Variants in MYZAP observed in about 807,000 individuals in gnomAD.
MYZAP encodes the protein myocardial zonula adherens protein.
MYZAP carries 66 observed loss-of-function variants against 69.4 expected under a neutral mutation model. The ratio of observed to expected loss-of-function variants is 0.95; its 90% CI spans 0.78 to 1.17. MYZAP has a LOEUF of 1.17. Among genes scored for constraint, MYZAP ranks in the 50% most tolerant of loss-of-function variants. The probability of loss-of-function intolerance (pLI) is 0.00; values close to 1 mark genes in which losing one functional copy is unlikely to be tolerated. For synonymous variants in MYZAP, 256 were observed against 205.9 expected, an observed-to-expected ratio of 1.24 and a Z score of -2.09; for missense variants, 611 against 556.2, an observed-to-expected ratio of 1.10 and a Z score of -0.99.
rs115983688 is a variant in MYZAP, at chr15:57,613,582, G to T, written c.163-4451G>T. Among the ~76,000 whole-genome samples, 1,123 of 151,488 alleles carry T rather than the reference G, an allele frequency of 7.4e-3. 14 individuals carry two copies. Among genetic ancestry groups the T allele is most frequent in the African/African-American group, 0.026 (1,061 of 41,136 alleles). ...GATGGATTTTTACCATGTTGCCCAG[G>T]CTGGTCTCAAATGCTTGGACTCAAG... On this transcript the variant is annotated intron_variant, in intron 2 of 12. Coordinates refer to ENST00000267853, the MANE Select transcript of MYZAP (RefSeq NM_001018100.5).
chr15:57,615,367 C>G (rs1360010077), intron 2 of MYZAP, among the ~76,000 whole-genome samples: 1 of 152,190 alleles, frequency 6.6e-6, no homozygotes, highest in Non-Finnish European at 1.5e-5. Flanking sequence ...GTGTGTACAA[C>G]TTTGAGACCT....
In MYZAP at chr15:57,668,717, G is replaced by A. The variant is rs1231206648; in HGVS notation, c.1204-6251G>A. On this transcript the variant is annotated intron_variant, in intron 11 of 12. Transcript: ENST00000267853. ...TTTGAAGTGTCTGTTCCAATCTTTA[G>A]TCCGTTGTTTTATTGAGCTTTTAGT... Among the ~76,000 whole-genome samples, 3 of 151,916 alleles carry A rather than the reference G, an allele frequency of 2.0e-5. No individual in the cohort carries two copies. In the East Asian group the frequency reaches 5.8e-4, roughly 29 times the overall value.
chr15:57,633,033 CTTTTACTTTGGAA>C (rs1247678635), intron 7 of MYZAP, among the ~76,000 whole-genome samples: 1 of 152,206 alleles, frequency 6.6e-6, no homozygotes, highest in Non-Finnish European at 1.5e-5. Flanking sequence ...TCTCTCTCTG[CTTTTACTTTGGAA>C]TTCTTTTATA....
chr15:57,599,592 G>A, intron 1 of MYZAP: 1 of 1,288,704 alleles, frequency 7.8e-7, no homozygotes, highest in Non-Finnish European at 1.0e-6. Flanking sequence ...GAACCCCTGG[G>A]AATAAAGTGC....
intron 2 of MYZAP, among the ~76,000 whole-genome samples, chr15:57,612,995 G>A (rs7163593): frequency 0.3 from 45,891 of 151,624 alleles, 7,224 homozygotes; most frequent in East Asian, 0.55. Flanking sequence ...GCAATGGTGC[G>A]ATCTCGGCTC....
At chr15:57,648,790 T>G (rs1233768079) in intron 10 of MYZAP, among the ~76,000 whole-genome samples, 2 of 151,632 alleles carry the variant, frequency 1.3e-5, no homozygotes, top group South Asian at 2.1e-4. Flanking sequence ...TTCTGTTTTT[T>G]TTTTTTTTTT....
chr15:57,645,771 G>A (rs927071541), intron 10 of MYZAP, among the ~76,000 whole-genome samples: 3 of 152,164 alleles, frequency 2.0e-5, no homozygotes, highest in Admixed American at 2.0e-4. Context: ...GAGTCTTGTT[G>A]GCCACATTCA....
At position 57,658,556 on chromosome 15, in the gene MYZAP, T is replaced by C. The variant is rs539852256; in HGVS notation, c.1120-2894T>C. Among the ~76,000 whole-genome samples the C allele has an allele frequency of 1.4e-3, 217 of 152,356 alleles. 2 individuals carry two copies. The highest frequency in any genetic ancestry group is 5.0e-3 in the African/African-American group (209 of 41,590). On this transcript the variant is annotated intron_variant, in intron 10 of 12. Transcript: ENST00000267853. ...TATTCGTACCTAAGAACTGAGTCAG[T>C]TGTCTTGTAAAAATGTTCACATTCT...
At chr15:57,650,069 G>A (rs1366650478) in intron 10 of MYZAP, among the ~76,000 whole-genome samples, 1 of 152,188 alleles carries the variant, frequency 6.6e-6, no homozygotes, top group South Asian at 2.1e-4. Flanking sequence ...AATGATCCAT[G>A]TAGAATTTAT....
At position 57,592,756 on chromosome 15, in the gene MYZAP, C is replaced by T. The variant is rs553831407; in HGVS notation, c.75+647C>T. ...TTTGGAAGTGCTGTTTCTTTTTGATCTTTGTGGCATCTTTTCCCATCTCTC... is the reference window on the plus strand; with the variant it reads ...TTTGGAAGTGCTGTTTCTTTTTGATTTTTGTGGCATCTTTTCCCATCTCTC... On this transcript the variant is annotated intron_variant, in intron 1 of 12. Coordinates refer to ENST00000267853, the MANE Select transcript of MYZAP (RefSeq NM_001018100.5). Among the ~76,000 whole-genome samples, 7 of 152,314 alleles carry T rather than the reference C, an allele frequency of 4.6e-5. No individual in the cohort carries two copies. In the South Asian group the frequency reaches 1.4e-3, roughly 32 times the overall value.
intron 11 of MYZAP, 22 bp downstream of exon 11, chr15:57,661,555 A>C (rs767370568): frequency 6.3e-7 from 1 of 1,587,040 alleles, no homozygotes; most frequent in Admixed American, 1.8e-5. Flanking sequence ...TGTTTCTTTA[A>C]GTTGGTGTCT....
chr15:57,652,676 TAA>T (rs2037788564), intron 10 of MYZAP, among the ~76,000 whole-genome samples: 1 of 152,106 alleles, frequency 6.6e-6, no homozygotes, highest in African/African-American at 2.4e-5. Context: ...GAGGCTGGGT[TAA>T]AGACACAGCA....
chr15:57,683,629 T>C (rs1284097567), intron 12 of MYZAP, among the ~76,000 whole-genome samples: 2 of 152,180 alleles, frequency 1.3e-5, no homozygotes, highest in African/African-American at 2.4e-5. Flanking sequence ...CTAGTTAGCT[T>C]ATAAACAACA....
chr15:57,604,971 C>T (rs942901906), intron 2 of MYZAP, among the ~76,000 whole-genome samples: 5 of 152,148 alleles, frequency 3.3e-5, no homozygotes, highest in Admixed American at 6.5e-5. Flanking sequence ...AGATCCAGCC[C>T]TATATGACGG....
chr15:57,613,931 A>G (rs2035272949), intron 2 of MYZAP, among the ~76,000 whole-genome samples: 1 of 152,214 alleles, frequency 6.6e-6, no homozygotes, highest in Non-Finnish European at 1.5e-5. Flanking sequence ...ATTGGGAGGT[A>G]TTTTAAAGGA....
chr15:57,616,248 C>G (rs2035433185), intron 2 of MYZAP, among the ~76,000 whole-genome samples: 1 of 152,222 alleles, frequency 6.6e-6, no homozygotes, highest in Non-Finnish European at 1.5e-5. Flanking sequence ...GGCAAGGTGG[C>G]TCATGCTTGT....
At chr15:57,604,384 C>A in intron 2 of MYZAP, 29 bp downstream of exon 2, 1 of 1,613,112 alleles carries the variant, frequency 6.2e-7, no homozygotes, top group South Asian at 1.1e-5. Context: ...AAAGCCCCAA[C>A]AAGTTCCAGC....
intron 1 of MYZAP, 94 bp from the exon 2 acceptor site, chr15:57,604,175 T>C (rs1328804678): frequency 7.8e-7 from 1 of 1,280,110 alleles, no homozygotes; most frequent in Non-Finnish European, 1.1e-6. Context: ...CCAATGGAAG[T>C]AGGGGAAATG....
Position 57,618,045 on chromosome 15 carries a change from A to G in MYZAP, c.175A>G (p.Ser59Gly). Residue 59 changes from serine to glycine, a missense_variant, in exon 3 of 13, where the codon AGC becomes GGC. By Grantham distance (56) the Ser-to-Gly change is moderately conservative (BLOSUM62 0). Transcript: ENST00000267853. ...TACTTTCTTTTAGCTTCTTGACCTG[A>G]GCAATGGAGAACCTACCAGGAAACT... ...IERKEQLLDL[S>G]NGEPTRKLPQ... 1 of 1,613,374 alleles carries G rather than the reference A, an allele frequency of 6.2e-7. No individual in the cohort carries two copies. Among genetic ancestry groups the G allele is most frequent in the Middle Eastern group, 1.7e-4 (1 of 6,050 alleles).
Sources: gnomAD v4.1 joint callset for allele counts (sites outside exome capture counted in the v4.1 genomes callset) on GRCh38, gnomAD v4.1.1 for gene constraint, MANE v1.5 for transcripts, NCBI Gene and HGNC (gene_info 2026-07-23, HGNC 2026-07-21) for gene names.